Variants in SLC1A2 observed in about 807,000 individuals in gnomAD.
SLC1A2 encodes the protein solute carrier family 1 member 2, also known as excitatory amino acid transporter 2.
A neutral mutation model predicts 48.8 loss-of-function variants in SLC1A2; 15 were observed. The observed-to-expected ratio is 0.31, with a 90% CI of 0.21 to 0.47. The LOEUF (loss-of-function observed/expected upper bound fraction) is 0.47. Among genes scored for constraint, SLC1A2 ranks in the 20% least tolerant of loss-of-function variants. SLC1A2 has a pLI of 0.99. For missense variants in SLC1A2, 502 were observed against 730.5 expected, an observed-to-expected ratio of 0.69 and a Z score of 3.61; for synonymous variants, 279 against 272.6, an observed-to-expected ratio of 1.02 and a Z score of -0.23.
At chr11:35,319,189 G>A (rs746475107) in intron 1 of SLC1A2, among the ~76,000 whole-genome samples, 3 of 152,164 alleles carry the variant, frequency 2.0e-5, no homozygotes, top group Non-Finnish European at 4.4e-5. Context: ...TCTGATCAGT[G>A]AGCAACAAAT....
intron 4 of SLC1A2, among the ~76,000 whole-genome samples, chr11:35,307,726 G>T (rs1417731428): frequency 1.3e-5 from 2 of 152,252 alleles, no homozygotes; most frequent in Non-Finnish European, 2.9e-5. Context: ...CACAGTCTGT[G>T]CTGTATGTTA....
chr11:35,263,347 A>G (rs940967088), intron 10 of SLC1A2, among the ~76,000 whole-genome samples: 3 of 152,138 alleles, frequency 2.0e-5, no homozygotes, highest in Non-Finnish European at 2.9e-5. Flanking sequence ...ACATGACTGT[A>G]ATCCCAGCTA....
chr11:35,379,531 T>C (rs1487265758), intron 1 of SLC1A2, among the ~76,000 whole-genome samples: 1 of 152,236 alleles, frequency 6.6e-6, no homozygotes, highest in African/African-American at 2.4e-5. Context: ...ATTTGGGAGC[T>C]TAGAAGCCTT....
At chr11:35,314,033 G>T (rs1019216939) in intron 3 of SLC1A2, among the ~76,000 whole-genome samples, 4 of 151,788 alleles carry the variant, frequency 2.6e-5, no homozygotes, top group Non-Finnish European at 5.9e-5. Flanking sequence ...TCTCCAAAGG[G>T]CATCAATTTA....
At chr11:35,397,789 G>A (rs1369041667) in intron 1 of SLC1A2, among the ~76,000 whole-genome samples, 1 of 152,104 alleles carries the variant, frequency 6.6e-6, no homozygotes, top group African/African-American at 2.4e-5. Context: ...CCATCTATGA[G>A]GAAGTGGGCA....
intron 1 of SLC1A2, among the ~76,000 whole-genome samples, chr11:35,349,189 C>A (rs937277255): frequency 6.6e-6 from 1 of 152,002 alleles, no homozygotes; most frequent in African/African-American, 2.4e-5. Flanking sequence ...CGGGCAGGGG[C>A]GCGGGAAGCC....
chr11:35,261,657 T>G (rs1041080897), intron 10 of SLC1A2: 2 of 398,590 alleles, frequency 5.0e-6, no homozygotes, highest in Non-Finnish European at 8.8e-6. Context: ...TCTAAGTAGT[T>G]TTCCTAGCTT....
intron 1 of SLC1A2, among the ~76,000 whole-genome samples, chr11:35,383,072 A>G (rs1166359032): frequency 1.3e-5 from 2 of 152,226 alleles, no homozygotes; most frequent in African/African-American, 2.4e-5. Flanking sequence ...CATGTCCAAG[A>G]GTAAGGGATC....
intron 1 of SLC1A2, among the ~76,000 whole-genome samples, chr11:35,405,533 G>C (rs928561003): frequency 6.6e-6 from 1 of 151,416 alleles, no homozygotes; most frequent in Non-Finnish European, 1.5e-5. Flanking sequence ...CCTTTACAAA[G>C]AACAATGGAA....
intron 4 of SLC1A2, among the ~76,000 whole-genome samples, chr11:35,308,544 C>T (rs944083099): frequency 3.9e-5 from 6 of 152,088 alleles, no homozygotes; most frequent in African/African-American, 1.4e-4. Context: ...ATATCAGCAT[C>T]GGGCAAGAGC....
chr11:35,319,319 G>T (rs1325509369), intron 1 of SLC1A2, among the ~76,000 whole-genome samples: 1 of 152,150 alleles, frequency 6.6e-6, no homozygotes, highest in Non-Finnish European at 1.5e-5. Context: ...TTTGCAGTGG[G>T]ATCTTTTTCC....
chr11:35,417,182 G>A (rs1287737992), intron 1 of SLC1A2, among the ~76,000 whole-genome samples: 1 of 152,152 alleles, frequency 6.6e-6, no homozygotes, highest in East Asian at 1.9e-4. Context: ...CATAAACAGT[G>A]CAGAAAGATG....
rs1430826630 is a variant in SLC1A2, at chr11:35,254,893, G to GA, written c.*6000dup. 1.4e-5 allele frequency: 6 copies of GA among 426,786 alleles called. No individual in the cohort carries two copies. The highest frequency in any genetic ancestry group is 3.4e-5 in the South Asian group (2 of 58,864). The allele number at this position is 426,786 out of a possible 1,614,324, so 26.4% of individuals were successfully genotyped here. ...GGAAAGTGAAGCAAGGCTGGACATA[G>GA]AAAAAAACTGATCAGTAGTTATTCA... On this transcript the variant is annotated 3_prime_UTR_variant, in exon 11 of 11. Coordinates refer to ENST00000278379, the MANE Select transcript of SLC1A2 (RefSeq NM_004171.4).
Position 35,370,881 on chromosome 11 carries a change from C to T in SLC1A2, c.17+48069G>A, listed in dbSNP as rs1854036646. On this transcript the variant is annotated intron_variant, in intron 1 of 10. Coordinates refer to ENST00000278379, the MANE Select transcript of SLC1A2 (RefSeq NM_004171.4). ...CATGAGCTGCACATGCTGAGTGGCC[C>T]AGGAAAAGAAAAGATGGCTAAGATA... 8 of 880,596 alleles carry T rather than the reference C, an allele frequency of 9.1e-6. No homozygotes were observed. In the Admixed American group the frequency reaches 3.7e-4, roughly 41 times the overall value. 54.5% of individuals were successfully genotyped at this position (880,596 alleles called of 1,614,324 possible).
rs554433809 is a variant in SLC1A2, at chr11:35,356,962, C to T, written c.18-39446G>A. ...TTATAAAAAAGTAAGATCTTTTAGG[C>T]TGGGCATGGTGGCTCACGCCTGTAA... On this transcript the variant is annotated intron_variant, in intron 1 of 10. Coordinates refer to ENST00000278379, the MANE Select transcript of SLC1A2 (RefSeq NM_004171.4). Among the ~76,000 whole-genome samples, 9 of 152,198 alleles carry T rather than the reference C, an allele frequency of 5.9e-5. No homozygotes were observed. The East Asian group carries it at 1.5e-3, about 26-fold the overall frequency.
At chr11:35,262,578 A>G (rs994491959) in intron 10 of SLC1A2, among the ~76,000 whole-genome samples, 24 of 152,210 alleles carry the variant, frequency 1.6e-4, no homozygotes, top group African/African-American at 4.6e-4. Flanking sequence ...AATTAACCAT[A>G]AGGAAGTTCA....
intron 1 of SLC1A2, among the ~76,000 whole-genome samples, chr11:35,355,908 A>T (rs1011412972): frequency 2.1e-5 from 3 of 144,142 alleles, no homozygotes; most frequent in South Asian, 4.4e-4. Context: ...AAAAAAAAAA[A>T]TCTTAGCTGA....
intron 1 of SLC1A2, among the ~76,000 whole-genome samples, chr11:35,326,851 A>T (rs942609673): frequency 6.6e-6 from 1 of 152,138 alleles, no homozygotes; most frequent in Non-Finnish European, 1.5e-5. Context: ...CCACCCAAGG[A>T]CCCAGATTTA....
intron 1 of SLC1A2, among the ~76,000 whole-genome samples, chr11:35,336,171 G>GCCCACACACA (rs1201799105): frequency 6.6e-6 from 1 of 151,636 alleles, no homozygotes; most frequent in Non-Finnish European, 1.5e-5. Flanking sequence ...CTCAGGGGGT[G>GCCCACACACA]GGGTGGGTGG....
Sources: gnomAD v4.1 joint callset for allele counts (sites outside exome capture counted in the v4.1 genomes callset) on GRCh38, gnomAD v4.1.1 for gene constraint, MANE v1.5 for transcripts, NCBI Gene and HGNC (gene_info 2026-07-23, HGNC 2026-07-21) for gene names.